The following DSCAM variants were observed in gnomAD, a reference collection of about 807,000 sequenced individuals.
The protein encoded by DSCAM is cell adhesion molecule DSCAM.
In DSCAM, 47 loss-of-function variants were observed where a neutral mutation model predicts 217.7. The ratio of observed to expected loss-of-function variants is 0.22; its 90% CI spans 0.17 to 0.28. DSCAM has a LOEUF of 0.28. DSCAM is among the 10% of genes least tolerant of loss of function. The pLI is 1.00. For missense variants in DSCAM, 2,080 were observed against 2,618.3 expected, an observed-to-expected ratio of 0.79 and a Z score of 4.49; for synonymous variants, 1,056 against 1,015.3, an observed-to-expected ratio of 1.04 and a Z score of -0.76.
At chr21:40,817,364 G>A (rs904251737) in intron 1 of DSCAM, among the ~76,000 whole-genome samples, 1 of 152,110 alleles carries the variant, frequency 6.6e-6, no homozygotes, top group African/African-American at 2.4e-5. Flanking sequence ...TATGATAAAA[G>A]GTTATTTTCC....
At chr21:40,027,592 C>T (rs1451785662) in intron 32 of DSCAM, among the ~76,000 whole-genome samples, 10 of 79,622 alleles carry the variant, frequency 1.3e-4, no homozygotes, top group African/African-American at 5.1e-4. Flanking sequence ...ATTCTTTTTT[C>T]TCTAAACTTC....
chr21:40,231,513 T>G (rs576467223), intron 11 of DSCAM, among the ~76,000 whole-genome samples: 5 of 150,580 alleles, frequency 3.3e-5, no homozygotes, highest in Non-Finnish European at 5.9e-5. Flanking sequence ...TTTTATTTCT[T>G]TTTTTTTTAG....
At chr21:40,246,614 C>T (rs757261151) in intron 11 of DSCAM, among the ~76,000 whole-genome samples, 18 of 151,294 alleles carry the variant, frequency 1.2e-4, no homozygotes, top group Admixed American at 6.6e-4. Context: ...ATGACTAACA[C>T]GGTGAAGAAG....
intron 20 of DSCAM, among the ~76,000 whole-genome samples, chr21:40,097,773 C>G (rs997000928): frequency 3.3e-5 from 5 of 151,408 alleles, no homozygotes; most frequent in African/African-American, 9.7e-5. Flanking sequence ...AACCCTGTCT[C>G]TACTAAAAAC....
chr21:40,260,236 A>T (rs538611110), intron 11 of DSCAM, among the ~76,000 whole-genome samples: 1 of 152,208 alleles, frequency 6.6e-6, no homozygotes, highest in Non-Finnish European at 1.5e-5. Flanking sequence ...TCTTACAATC[A>T]GTAGCCAAAC....
In DSCAM at chr21:40,366,327, C is replaced by G. The variant is rs568359544; in HGVS notation, c.655+2772G>C. ...GTCAGACATCTATACATTTTTAACT[C>G]TATTTGTCTTATTCCTTAATATTTT... On this transcript the variant is annotated intron_variant, in intron 4 of 32. Transcript: ENST00000400454. Among the ~76,000 whole-genome samples the G allele has an allele frequency of 2.0e-5, 3 of 152,120 alleles. 1 individual carries two copies. The highest frequency in any genetic ancestry group is 7.2e-5 in the African/African-American group (3 of 41,530).
chr21:40,533,441 T>C (rs924285400), intron 3 of DSCAM, among the ~76,000 whole-genome samples: 1 of 152,126 alleles, frequency 6.6e-6, no homozygotes, highest in Non-Finnish European at 1.5e-5. Flanking sequence ...CATCCAAACA[T>C]CTATCCATCC....
chr21:40,772,705 T>C (rs141004463), intron 1 of DSCAM, among the ~76,000 whole-genome samples: 198 of 152,278 alleles, frequency 1.3e-3, no homozygotes, highest in South Asian at 1.9e-3. Context: ...CAAATACAGA[T>C]AACTGCCGGA....
intron 3 of DSCAM, among the ~76,000 whole-genome samples, chr21:40,651,183 C>T (rs1017043820): frequency 2.0e-5 from 3 of 152,196 alleles, no homozygotes; most frequent in Non-Finnish European, 4.4e-5. Context: ...AGACCAACTC[C>T]AGGCCCTGTC....
rs78181812 is a variant in DSCAM, at chr21:40,826,041, A to G, written c.43+20578T>C. On this transcript the variant is annotated intron_variant, in intron 1 of 32. Transcript: ENST00000400454. ...TCTTCTAGGTGAGCACAGTAGACAA[A>G]TGTGGGCTTCCCCAGTTGGGAGAGA... Among the ~76,000 whole-genome samples the G allele has an allele frequency of 8.3e-3, 1,266 of 152,322 alleles. 58 individuals carry two copies. The East Asian group carries it at 0.13, about 16-fold the overall frequency.
chr21:40,817,823 G>A (rs987204837), intron 1 of DSCAM, among the ~76,000 whole-genome samples: 1 of 151,586 alleles, frequency 6.6e-6, no homozygotes, highest in Non-Finnish European at 1.5e-5. Flanking sequence ...GTGGCCGGGC[G>A]CGGTGGCTCA....
At chr21:40,059,318 C>T (rs769703711) in intron 28 of DSCAM, among the ~76,000 whole-genome samples, 1 of 152,206 alleles carries the variant, frequency 6.6e-6, no homozygotes, top group Non-Finnish European at 1.5e-5. Flanking sequence ...ACAGTTATCT[C>T]TTTGGAGCAA....
At chr21:40,577,616 C>T (rs1413749145) in intron 3 of DSCAM, among the ~76,000 whole-genome samples, 1 of 152,078 alleles carries the variant, frequency 6.6e-6, no homozygotes, top group Admixed American at 6.6e-5. Flanking sequence ...TATTAGCCGG[C>T]GACGAGAGAC....
chr21:40,103,264 T>C (rs952846059), intron 20 of DSCAM, among the ~76,000 whole-genome samples: 6 of 150,372 alleles, frequency 4.0e-5, no homozygotes, highest in African/African-American at 1.4e-4. Flanking sequence ...TGATAGCTAA[T>C]TGTTAACATG....
chr21:40,468,045 G>A (rs1051587072), intron 3 of DSCAM, among the ~76,000 whole-genome samples: 16 of 151,776 alleles, frequency 1.1e-4, no homozygotes, highest in Middle Eastern at 3.2e-3. Flanking sequence ...TCACCCTGAC[G>A]AGATAAATTG....
At chr21:40,780,601 G>T (rs2091535565) in intron 1 of DSCAM, among the ~76,000 whole-genome samples, 1 of 151,674 alleles carries the variant, frequency 6.6e-6, no homozygotes, top group Admixed American at 6.6e-5. Context: ...TTGGAGATAG[G>T]GTCTTTAAAG....
chr21:40,516,987 ACATATATATACAC>A (rs1231314412), intron 3 of DSCAM, among the ~76,000 whole-genome samples: 1 of 147,804 alleles, frequency 6.8e-6, no homozygotes, highest in Non-Finnish European at 1.5e-5. Context: ...TTATATATAT[ACATATATATACAC>A]CATATATATA....
At chr21:40,364,342 G>A (rs9680243) in intron 4 of DSCAM, among the ~76,000 whole-genome samples, 5 of 152,102 alleles carry the variant, frequency 3.3e-5, no homozygotes, top group African/African-American at 1.2e-4. Context: ...GGAATACTAT[G>A]CAGCCATAAA....
chr21:40,197,058 G>T (rs2091018094), intron 11 of DSCAM, among the ~76,000 whole-genome samples: 1 of 152,092 alleles, frequency 6.6e-6, no homozygotes, highest in Non-Finnish European at 1.5e-5. Context: ...GAATATAAGA[G>T]AATTTTGGAA....
Sources: allele counts gnomAD v4.1 joint callset (sites outside exome capture counted in the v4.1 genomes callset), GRCh38; gene constraint gnomAD v4.1.1; transcripts MANE v1.5; gene names NCBI Gene and HGNC (gene_info 2026-07-23, HGNC 2026-07-21).